The following LANCL1 variants were observed in gnomAD, a reference collection of about 807,000 sequenced individuals.
LANCL1 encodes the protein glutathione S-transferase LANCL1.
LANCL1 carries 50 observed loss-of-function variants against 50.6 expected under a neutral mutation model. The ratio of observed to expected loss-of-function variants is 0.99; its 90% CI spans 0.79 to 1.25. The LOEUF is 1.25. LANCL1 is among the 50% of genes most tolerant of loss of function. LANCL1 has a pLI of 0.00. For synonymous variants in LANCL1, 188 were observed against 178.6 expected (o/e 1.05, Z -0.42); for missense variants, 532 against 480.7 (o/e 1.11, Z -1.00).
intron 3 of LANCL1, among the ~76,000 whole-genome samples, chr2:210,465,160 AATAAC>A (rs1694009601): frequency 6.6e-6 from 1 of 152,230 alleles, no homozygotes; most frequent in Non-Finnish European, 1.5e-5. Flanking sequence ...CTCCACTTAA[AATAAC>A]ATGTGATGTG....
chr2:210,455,107 C>T lies in LANCL1; in HGVS notation c.407G>A (p.Arg136Gln), dbSNP rs751003796. 1.4e-5 allele frequency: 22 copies of T among 1,610,194 alleles called. No individual in the cohort carries two copies. The East Asian group carries it at 2.2e-4, about 16-fold the overall frequency. The change falls in exon 4 of 10, where the codon CGG becomes CAG. Residue 136 changes from arginine (R) to glutamine (Q), a missense_variant and splice_region_variant. Physicochemically the swap from Arg to Gln is conservative, Grantham distance 43 (BLOSUM62 1). Coordinates refer to ENST00000450366, the MANE Select transcript of LANCL1 (RefSeq NM_006055.3). ...NEKQAEDCIT[R>Q]LIHLNKIDPH... Reference sequence around the variant, plus strand: ...AATCCTCATATAGAAACATGATTACCGTGTGATGCAATCTTCTGCCTGCTT... The same window carrying T: ...AATCCTCATATAGAAACATGATTACTGTGTGATGCAATCTTCTGCCTGCTT...
intron 6 of LANCL1, among the ~76,000 whole-genome samples, chr2:210,439,793 T>G (rs1315235912): frequency 2.6e-5 from 4 of 152,186 alleles, no homozygotes; most frequent in Non-Finnish European, 5.9e-5. Flanking sequence ...GTAGTATGTA[T>G]ATCCAAGCAC....
At chr2:210,451,223 A>C (rs1693501838) in intron 4 of LANCL1, among the ~76,000 whole-genome samples, 2 of 152,066 alleles carry the variant, frequency 1.3e-5, no homozygotes, top group African/African-American at 4.8e-5. Flanking sequence ...GCAAACTAAC[A>C]CAAGAACAGA....
intron 2 of LANCL1, among the ~76,000 whole-genome samples, chr2:210,475,664 C>A (rs538331281): frequency 7.2e-5 from 11 of 152,172 alleles, no homozygotes; most frequent in Admixed American, 2.0e-4. Flanking sequence ...TATCTGTATT[C>A]CCTCTTAACA....
chr2:210,462,915 G>T (rs1389198707), intron 3 of LANCL1, among the ~76,000 whole-genome samples: 3 of 152,148 alleles, frequency 2.0e-5, no homozygotes, highest in Non-Finnish European at 4.4e-5. Context: ...TATGAAGTTT[G>T]TATGGAATGA....
chr2:210,441,208 A>T (rs1693119066), intron 5 of LANCL1, 100 bp downstream of exon 5: 1 of 1,195,214 alleles, frequency 8.4e-7, no homozygotes, highest in Non-Finnish European at 1.2e-6. Context: ...ACCTTCCTTT[A>T]TATGGAATGT....
intron 3 of LANCL1, among the ~76,000 whole-genome samples, chr2:210,471,258 G>A (rs1316144646): frequency 1.3e-5 from 2 of 149,140 alleles, no homozygotes; most frequent in East Asian, 2.0e-4. Context: ...TGTTGGCCAG[G>A]ATGGTCTTGA....
chr2:210,476,625 C>G lies in LANCL1; in HGVS notation c.-22G>C. The G allele has an allele frequency of 7.7e-7, 1 of 1,302,188 alleles. No homozygotes were observed. The highest frequency in any genetic ancestry group is 9.8e-7 in the Non-Finnish European group (1 of 1,024,924). The allele number at this position is 1,302,188 out of a possible 1,614,324, so 80.7% of individuals were successfully genotyped here. ...TGCCAGGGCCCTTAACCCACCCGGA[C>G]AAAGAGGCCCCGTTTTGCAACCCCG... On this transcript the variant is annotated 5_prime_UTR_variant, in exon 1 of 10. Coordinates refer to ENST00000450366, the MANE Select transcript of LANCL1 (RefSeq NM_006055.3).
At chr2:210,464,091 A>C (rs1201879643) in intron 3 of LANCL1, among the ~76,000 whole-genome samples, 2 of 152,250 alleles carry the variant, frequency 1.3e-5, no homozygotes, top group Non-Finnish European at 2.9e-5. Context: ...TGCTTCTGTT[A>C]CATTTCTATT....
Position 210,436,249 on chromosome 2 carries a change from T to A in LANCL1, c.1017A>T (p.Thr339=). 15 of 1,613,942 alleles carry A rather than the reference T, an allele frequency of 9.3e-6. No homozygotes were observed. The highest frequency in any genetic ancestry group is 1.3e-5 in the Non-Finnish European group (15 of 1,179,958). The change falls in exon 8 of 10, where the codon ACA becomes ACT. Residue 339 remains threonine, a synonymous_variant. Coordinates refer to ENST00000450366, the MANE Select transcript of LANCL1 (RefSeq NM_006055.3). The part of the protein sequence containing the change: ...AYAFLTLYNL[T]QDMKYLYRAC... ...CCCTATACAGGTACTTCATGTCCTG[T>A]GTGAGGTTGTAGAGTGTCAGGAAGG... is the stretch of plus-strand genomic sequence containing the variant.
chr2:210,437,957 T>A (rs555059462), intron 6 of LANCL1, 85 bp from the exon 7 acceptor site: 1 of 952,188 alleles, frequency 1.1e-6, no homozygotes, highest in African/African-American at 1.7e-5. Flanking sequence ...AAAAAAAGCA[T>A]GGCTAAGGGG....
At chr2:210,452,949 CTTATA>C (rs956002495) in intron 4 of LANCL1, among the ~76,000 whole-genome samples, 3 of 151,994 alleles carry the variant, frequency 2.0e-5, no homozygotes, top group African/African-American at 7.3e-5. Flanking sequence ...TACTAAATAA[CTTATA>C]TTAAATAATT....
At chr2:210,449,531 G>C (rs1022371180) in intron 4 of LANCL1, among the ~76,000 whole-genome samples, 3 of 152,116 alleles carry the variant, frequency 2.0e-5, no homozygotes, top group Admixed American at 6.5e-5. Context: ...AGAAATAAAG[G>C]GTACTCAGAT....
chr2:210,437,640 A>T lies in LANCL1; in HGVS notation c.873+50T>A, dbSNP rs371377423. On this transcript the variant is annotated intron_variant, in intron 7 of 9. Transcript: ENST00000450366. ...ATTAGGATAAAACTAATTTTAAATT[A>T]TAAATTTTTGGTTATTTAAAAAAAT... 136 of 1,160,778 alleles carry T rather than the reference A, an allele frequency of 1.2e-4. No individual in the cohort carries two copies. In the African/African-American group the frequency reaches 2.0e-3, roughly 17 times the overall value. The allele number at this position is 1,160,778 out of a possible 1,614,324, so 71.9% of individuals were successfully genotyped here. A position where few individuals can be genotyped will look rare whatever the true frequency, so the allele number is the denominator to read the frequency against.
intron 2 of LANCL1, among the ~76,000 whole-genome samples, chr2:210,474,039 C>A (rs1254516015): frequency 6.6e-6 from 1 of 152,152 alleles, no homozygotes; most frequent in Non-Finnish European, 1.5e-5. Context: ...AATCTCTCAG[C>A]CTTATGAAGG....
chr2:210,451,961 A>G (rs903713029), intron 4 of LANCL1, among the ~76,000 whole-genome samples: 2 of 152,198 alleles, frequency 1.3e-5, no homozygotes, highest in African/African-American at 4.8e-5. Context: ...CCACTTATAT[A>G]AAATACGTAA....
At chr2:210,465,070 G>A (rs997768307) in intron 3 of LANCL1, among the ~76,000 whole-genome samples, 9 of 152,044 alleles carry the variant, frequency 5.9e-5, no homozygotes, top group African/African-American at 2.2e-4. Flanking sequence ...AAATAACTTC[G>A]TAAATTAACT....
At chr2:210,475,694 G>T (rs1436026926) in intron 2 of LANCL1, among the ~76,000 whole-genome samples, 2 of 152,144 alleles carry the variant, frequency 1.3e-5, no homozygotes, top group South Asian at 4.1e-4. Context: ...ACCCAATGAG[G>T]CATGAGAAAA....
rs1297124568 is a variant in LANCL1, at chr2:210,434,535, A to C, written c.1152T>G (p.Ala384=). The C allele has an allele frequency of 6.2e-7, 1 of 1,613,568 alleles. No individual in the cohort carries two copies. The highest frequency in any genetic ancestry group is 8.5e-7 in the Non-Finnish European group (1 of 1,179,762). ...EGMAGTIYFL[A]DLLVPTKARF... is the part of the protein sequence containing the mutation. ...TGGCTTTTGTGGGGACTAGCAGGTC[A>C]GCCAGGAAATATATTGTTCCAGCCA... The change falls in exon 10 of 10, where the codon GCT becomes GCG. Residue 384 remains alanine (A), a synonymous_variant. Coordinates refer to ENST00000450366, the MANE Select transcript of LANCL1 (RefSeq NM_006055.3).
Sources: gnomAD v4.1 joint callset for allele counts (sites outside exome capture counted in the v4.1 genomes callset) on GRCh38, gnomAD v4.1.1 for gene constraint, MANE v1.5 for transcripts, NCBI Gene and HGNC (gene_info 2026-07-23, HGNC 2026-07-21) for gene names.